Variants in TAOK3 observed in about 807,000 individuals in gnomAD.
TAOK3 encodes serine/threonine-protein kinase TAO3.
In TAOK3, 40 loss-of-function variants were observed where a neutral mutation model predicts 120.4. That is an observed-to-expected ratio of 0.33 (90% confidence interval 0.26 to 0.43). The LOEUF is 0.43. Ranked by LOEUF, TAOK3 falls within the 20% of genes least tolerant of loss-of-function variation. The pLI is 1.00. For missense variants in TAOK3, 821 were observed against 1,112.1 expected, an observed-to-expected ratio of 0.74 and a Z score of 3.72; for synonymous variants, 355 against 387.5, an observed-to-expected ratio of 0.92 and a Z score of 0.99.
chr12:118,186,105 A>C (rs748154681), intron 14 of TAOK3, among the ~76,000 whole-genome samples: 1 of 152,300 alleles, frequency 6.6e-6, no homozygotes, highest in South Asian at 2.1e-4. Context: ...AAAAACTCCA[A>C]ATGAAGACTC....
At chr12:118,222,563 T>C (rs919026553) in intron 9 of TAOK3, among the ~76,000 whole-genome samples, 2 of 150,438 alleles carry the variant, frequency 1.3e-5, no homozygotes, top group Non-Finnish European at 3.0e-5. Context: ...GAAAATGTGG[T>C]ATATATACAC....
chr12:118,253,840 T>A (rs1380291155), intron 3 of TAOK3, among the ~76,000 whole-genome samples: 1 of 150,354 alleles, frequency 6.7e-6, no homozygotes, highest in Non-Finnish European at 1.5e-5. Flanking sequence ...GATCACGAGG[T>A]CAGTTCAAGA....
intron 2 of TAOK3, among the ~76,000 whole-genome samples, chr12:118,264,969 G>T (rs2041380370): frequency 6.6e-6 from 1 of 152,080 alleles, no homozygotes; most frequent in African/African-American, 2.4e-5. Context: ...CGGAGGCAGA[G>T]GTTGCAGTGA....
chr12:118,276,511 C>T (rs956277120), intron 1 of TAOK3, among the ~76,000 whole-genome samples: 5 of 151,928 alleles, frequency 3.3e-5, no homozygotes, highest in East Asian at 3.9e-4. Context: ...ACCAACCTGG[C>T]GAACACTGTG....
chr12:118,249,819 G>A (rs1350914411), intron 3 of TAOK3, among the ~76,000 whole-genome samples: 1 of 152,122 alleles, frequency 6.6e-6, no homozygotes, highest in Non-Finnish European at 1.5e-5. Context: ...GTGACAGAGT[G>A]AGAGACCCTG....
At chr12:118,228,187 T>C (rs2039599777) in intron 9 of TAOK3, among the ~76,000 whole-genome samples, 1 of 151,168 alleles carries the variant, frequency 6.6e-6, no homozygotes, top group African/African-American at 2.4e-5. Context: ...AGTTTTGCTC[T>C]TGTCGTCCAG....
intron 1 of TAOK3, among the ~76,000 whole-genome samples, chr12:118,338,706 G>C (rs575330556): frequency 2.2e-5 from 3 of 137,444 alleles, no homozygotes; most frequent in Non-Finnish European, 4.6e-5. Context: ...AGAATCACTT[G>C]AACCTGGGAG....
At chr12:118,157,731 C>T (rs2034938953) in intron 19 of TAOK3, among the ~76,000 whole-genome samples, 1 of 152,224 alleles carries the variant, frequency 6.6e-6, no homozygotes, top group Non-Finnish European at 1.5e-5. Flanking sequence ...ACTGTCTTAT[C>T]CACCACTGTA....
chr12:118,236,967 C>G (rs1042673561), intron 7 of TAOK3, among the ~76,000 whole-genome samples: 1 of 152,076 alleles, frequency 6.6e-6, no homozygotes, highest in Non-Finnish European at 1.5e-5. Flanking sequence ...TGAACTGTAG[C>G]TTTAAATGAG....
intron 1 of TAOK3, among the ~76,000 whole-genome samples, chr12:118,333,650 T>G (rs1404168941): frequency 6.6e-6 from 1 of 151,128 alleles, no homozygotes; most frequent in Non-Finnish European, 1.5e-5. Flanking sequence ...TCTATTAAAT[T>G]GAAAACAGGA....
chr12:118,191,276 G>A (rs1019983078), intron 13 of TAOK3, among the ~76,000 whole-genome samples: 1 of 151,984 alleles, frequency 6.6e-6, no homozygotes, highest in South Asian at 2.1e-4. Flanking sequence ...GTATTGGGAA[G>A]GTATCTACCA....
intron 3 of TAOK3, among the ~76,000 whole-genome samples, chr12:118,254,339 C>T (rs1199551256): frequency 6.6e-6 from 1 of 152,130 alleles, no homozygotes; most frequent in Non-Finnish European, 1.5e-5. Context: ...TCCATCCACC[C>T]ATCCATTATT....
At chr12:118,342,445 T>C (rs951292857) in intron 1 of TAOK3, among the ~76,000 whole-genome samples, 2 of 152,228 alleles carry the variant, frequency 1.3e-5, no homozygotes, top group African/African-American at 4.8e-5. Context: ...ATAGTACATT[T>C]CATTTAAAAT....
intron 1 of TAOK3, among the ~76,000 whole-genome samples, chr12:118,296,056 T>G (rs1286606337): frequency 6.6e-6 from 1 of 152,208 alleles, no homozygotes; most frequent in Non-Finnish European, 1.5e-5. Context: ...TATGCATATG[T>G]GTGTATCTGA....
chr12:118,368,236 G>A (rs573933239), intron 1 of TAOK3, among the ~76,000 whole-genome samples: 2 of 152,108 alleles, frequency 1.3e-5, no homozygotes, highest in East Asian at 2.0e-4. Context: ...TCGCTCTGTC[G>A]CCCAGGCTGG....
chr12:118,297,773 AAG>A (rs1316090180), intron 1 of TAOK3, among the ~76,000 whole-genome samples: 1 of 152,188 alleles, frequency 6.6e-6, no homozygotes, highest in Non-Finnish European at 1.5e-5. Flanking sequence ...GTAATCTGCA[AAG>A]CCTTACTAAG....
chr12:118,164,259 G>A (rs1405661844), intron 17 of TAOK3, among the ~76,000 whole-genome samples: 4 of 150,956 alleles, frequency 2.6e-5, no homozygotes, highest in Admixed American at 6.6e-5. Flanking sequence ...CCCGGGAGGC[G>A]TAGCTTGCAG....
rs201218607 is a variant in TAOK3, at chr12:118,233,650, G to A, written c.643+24C>T. On this transcript the variant is annotated intron_variant, in intron 9 of 20. Coordinates refer to ENST00000392533, the MANE Select transcript of TAOK3 (RefSeq NM_016281.4). ...AAAATAGAATTTTAAAAAATACAAT[G>A]AAAACAAATAACTCTTTACTCACCC... The A allele has an allele frequency of 2.6e-3, 4,010 of 1,520,088 alleles. 18 individuals carry two copies. Among genetic ancestry groups the A allele is most frequent in the South Asian group, 7.1e-3 (616 of 87,054 alleles). The allele number at this position is 1,520,088 out of a possible 1,614,324, so 94.2% of individuals were successfully genotyped here.
At chr12:118,291,814 G>A (rs1049004826) in intron 1 of TAOK3, among the ~76,000 whole-genome samples, 3 of 151,888 alleles carry the variant, frequency 2.0e-5, no homozygotes, top group African/African-American at 7.3e-5. Flanking sequence ...CATATGAAAT[G>A]AAAAAAAATT....
Sources: allele counts gnomAD v4.1 joint callset (sites outside exome capture counted in the v4.1 genomes callset), GRCh38; gene constraint gnomAD v4.1.1; transcripts MANE v1.5; gene names NCBI Gene and HGNC (gene_info 2026-07-23, HGNC 2026-07-21).